NR5A2: variants seen among roughly 807,000 people sequenced by gnomAD.
NR5A2 encodes nuclear receptor subfamily 5 group A member 2, also known as CYP7A promoter-binding factor.
Under a neutral mutation model 62.7 loss-of-function variants are expected in NR5A2, and 26 were observed. The ratio of observed to expected loss-of-function variants is 0.41; its 90% confidence interval spans 0.30 to 0.58. NR5A2 has a LOEUF of 0.58. Among genes scored for constraint, NR5A2 ranks in the 20% least tolerant of loss-of-function variants. The pLI is 0.22. For synonymous variants in NR5A2, 246 were observed against 241.7 expected (o/e 1.02, Z -0.16); for missense variants, 541 against 669.1 (o/e 0.81, Z 2.11).
chr1:200,045,582 A>C lies in NR5A2; in HGVS notation c.461A>C (p.Glu154Ala). 1 of 1,608,798 alleles carries C rather than the reference A, an allele frequency of 6.2e-7. No homozygotes were observed. The highest frequency in any genetic ancestry group is 8.5e-7 in the Non-Finnish European group (1 of 1,178,128). The change falls in exon 4 of 8, where the codon GAA (glutamate) becomes GCA (alanine). Residue 154 changes from glutamate (E) to alanine (A), a missense_variant and splice_region_variant. Physicochemically the swap from Glu to Ala is moderately radical, Grantham distance 107. Transcript: ENST00000367362. Reference sequence around the variant, plus strand: ...TGTCTAAGTGTTGGAATGAAGCTAGAAGGTAAGATTCTTCTAAAGACTACT... The same window carrying C: ...TGTCTAAGTGTTGGAATGAAGCTAGCAGGTAAGATTCTTCTAAAGACTACT... ...QKCLSVGMKL[E>A]AVRADRMRGG...
intron 5 of NR5A2, among the ~76,000 whole-genome samples, chr1:200,106,492 T>C (rs1417919359): frequency 1.3e-5 from 2 of 152,250 alleles, no homozygotes; most frequent in Non-Finnish European, 2.9e-5. Flanking sequence ...AAATAGTTTC[T>C]CTGATAAGTA....
chr1:200,058,955 T>C (rs1663060375), intron 5 of NR5A2, among the ~76,000 whole-genome samples: 1 of 151,344 alleles, frequency 6.6e-6, no homozygotes, highest in Admixed American at 6.6e-5. Context: ...ACAAAAATTA[T>C]GAAAATTAGC....
chr1:200,081,143 A>G lies in NR5A2; in HGVS notation c.1111-30059A>G, dbSNP rs3790830. Among the ~76,000 whole-genome samples the G allele has an allele frequency of 2.4e-3, 371 of 152,340 alleles. 9 individuals carry two copies. In the East Asian group the frequency reaches 0.062, roughly 25 times the overall value. On this transcript the variant is annotated intron_variant, in intron 5 of 7. Transcript: ENST00000367362. The stretch of plus-strand genomic sequence containing the variant: ...CTGTTTTTCCACTTGTTGCTTGGAT[A>G]AATGGATAAAAGCCTGCCAAGGACT...
chr1:200,140,091 ATATT>A (rs1354021572), intron 7 of NR5A2, among the ~76,000 whole-genome samples: 1 of 152,248 alleles, frequency 6.6e-6, no homozygotes, highest in South Asian at 2.1e-4. Context: ...TTTTGATGTG[ATATT>A]TAGTTAATTT....
chr1:200,157,737 T>C (rs1653454542), intron 7 of NR5A2, among the ~76,000 whole-genome samples: 1 of 152,240 alleles, frequency 6.6e-6, no homozygotes. Flanking sequence ...GTTAGGCAAC[T>C]AGTTTCCCTT....
In NR5A2 at chr1:200,061,257, C is replaced by T. The variant is rs936512169; in HGVS notation, c.1110+12439C>T. 2.0e-5 allele frequency among the ~76,000 whole-genome samples: 3 copies of T among 149,794 alleles called. No individual in the cohort carries two copies. In the Admixed American group the frequency reaches 2.0e-4, roughly 10 times the overall value. Reference sequence around the variant, plus strand: ...GGAAATGTCAATGTCACTCAGAGTGCACAACATTCGGGATTAACTTTTTTT... The same window carrying T: ...GGAAATGTCAATGTCACTCAGAGTGTACAACATTCGGGATTAACTTTTTTT... On this transcript the variant is annotated intron_variant, in intron 5 of 7. Coordinates refer to ENST00000367362, the MANE Select transcript of NR5A2 (RefSeq NM_205860.3).
Position 200,048,480 on chromosome 1 carries a change from T to C in NR5A2, c.772T>C (p.Tyr258His). Reference sequence around the variant, plus strand: ...GCCCCCTCACGGCAGCCTGCAAGGTTACCAAACATATGGCCACTTTCCTAG... The same window carrying C: ...GCCCCCTCACGGCAGCCTGCAAGGTCACCAAACATATGGCCACTTTCCTAG... ...TMPPHGSLQG[Y>H]QTYGHFPSRA... is the part of the protein sequence containing the mutation. Residue 258 changes from tyrosine to histidine, a missense_variant, in exon 5 of 8, where the codon TAC (tyrosine) becomes CAC (histidine). Tyr to His is a moderately conservative substitution (Grantham distance 83, BLOSUM62 2). Transcript: ENST00000367362. This position sits in a 1 kb window ranked among gnomAD's most constrained non-coding sequence, Gnocchi z 4.8. The C allele has an allele frequency of 1.2e-6, 2 of 1,614,166 alleles. No individual in the cohort carries two copies. Among genetic ancestry groups the C allele is most frequent in the East Asian group, 2.2e-5 (1 of 44,890 alleles).
At chr1:200,062,933 C>T (rs148055654) in intron 5 of NR5A2, among the ~76,000 whole-genome samples, 1 of 152,136 alleles carries the variant, frequency 6.6e-6, no homozygotes, top group Non-Finnish European at 1.5e-5. Flanking sequence ...GGGGAAGACA[C>T]CTGAGTGCAA....
At chr1:200,054,659 T>G (rs1378583521) in intron 5 of NR5A2, among the ~76,000 whole-genome samples, 1 of 152,236 alleles carries the variant, frequency 6.6e-6, no homozygotes, top group African/African-American at 2.4e-5. Context: ...AATTTAGCCA[T>G]GCTGAAGTTG....
Position 200,048,267 on chromosome 1 carries a change from C to T in NR5A2, c.559C>T (p.Arg187Ter), listed in dbSNP as rs987961515. 5 of 1,613,886 alleles carry T rather than the reference C, an allele frequency of 3.1e-6. No homozygotes were observed. Among genetic ancestry groups the T allele is most frequent in the African/African-American group, 2.7e-5 (2 of 74,868 alleles). ...ALKQQKKALI[R>*]ANGLKLEAMS... The stretch of plus-strand genomic sequence containing the variant: ...GAAGCAACAGAAAAAAGCCCTCATC[C>T]GAGCCAATGGACTTAAGCTAGAAGC... Residue 187 changes from arginine to a stop codon, truncating the protein, a stop_gained, in exon 5 of 8, where the codon CGA becomes TGA. Transcript: ENST00000367362. LOFTEE classifies it high-confidence loss of function. This position sits in a 1 kb window ranked among gnomAD's most constrained non-coding sequence, Gnocchi z 4.8.
intron 5 of NR5A2, among the ~76,000 whole-genome samples, chr1:200,061,048 A>G (rs1663189731): frequency 6.9e-6 from 1 of 145,782 alleles, no homozygotes; most frequent in Non-Finnish European, 1.5e-5. Context: ...CGAACCCAGG[A>G]GGCGAAGGTT....
chr1:200,045,400 T>C lies in NR5A2; in HGVS notation c.322-43T>C, dbSNP rs374187818. On this transcript the variant is annotated intron_variant, in intron 3 of 7. Coordinates refer to ENST00000367362, the MANE Select transcript of NR5A2 (RefSeq NM_205860.3). Reference sequence around the variant, plus strand: ...AAAATGAAACAATGGAAAAGACGGGTGTTAGATTTATAATACGTCTCACTA... The same window carrying C: ...AAAATGAAACAATGGAAAAGACGGGCGTTAGATTTATAATACGTCTCACTA... 3 of 1,512,998 alleles carry C rather than the reference T, an allele frequency of 2.0e-6. No homozygotes were observed. In the African/African-American group the frequency reaches 4.2e-5, roughly 21 times the overall value. The allele number at this position is 1,512,998 out of a possible 1,614,324, so 93.7% of individuals were successfully genotyped here. A position where few individuals can be genotyped will look rare whatever the true frequency, so the allele number is the denominator to read the frequency against.
At chr1:200,072,621 C>G (rs1046999125) in intron 5 of NR5A2, among the ~76,000 whole-genome samples, 3 of 152,064 alleles carry the variant, frequency 2.0e-5, no homozygotes, top group Non-Finnish European at 4.4e-5. Flanking sequence ...AAAAGAAAAG[C>G]TATTTACAAC....
rs945457430 is a variant in NR5A2 at position 200,039,159 on chromosome 1, A to T, written c.65-499A>T. Among the ~76,000 whole-genome samples the T allele has an allele frequency of 1.3e-5, 2 of 151,950 alleles. No individual in the cohort carries two copies. Among genetic ancestry groups the T allele is most frequent in the Non-Finnish European group, 2.9e-5 (2 of 67,974 alleles). ...GAGCAAGAGAGAGGCAGAGAGAGAT[A>T]GGGGGAAGGGGCGGAGAGGAGGGGA... On this transcript the variant is annotated intron_variant, in intron 1 of 7. Transcript: ENST00000367362. This position sits in a 1 kb window ranked among gnomAD's most constrained non-coding sequence, Gnocchi z 5.1.
intron 7 of NR5A2, among the ~76,000 whole-genome samples, chr1:200,146,500 AT>A (rs1404839981): frequency 6.6e-6 from 1 of 152,234 alleles, no homozygotes; most frequent in Non-Finnish European, 1.5e-5. Context: ...ACCACCTGGA[AT>A]TCTTTATCTC....
At chr1:200,069,484 C>T (rs1558119301) in intron 5 of NR5A2, among the ~76,000 whole-genome samples, 1 of 152,088 alleles carries the variant, frequency 6.6e-6, no homozygotes, top group Non-Finnish European at 1.5e-5. Flanking sequence ...CAGTCTCAAA[C>T]CTCAAATGAT....
At chr1:200,042,296 C>T (rs1483307237) in intron 2 of NR5A2, among the ~76,000 whole-genome samples, 1 of 152,170 alleles carries the variant, frequency 6.6e-6, no homozygotes, top group Non-Finnish European at 1.5e-5. Flanking sequence ...GTCAACTCCG[C>T]GGGTCTGCGC....
At chr1:200,096,289 T>C (rs1665095058) in intron 5 of NR5A2, among the ~76,000 whole-genome samples, 1 of 152,084 alleles carries the variant, frequency 6.6e-6, no homozygotes, top group South Asian at 2.1e-4. Context: ...GGTTTCACCA[T>C]GTTGGCCAGG....
intron 1 of NR5A2, among the ~76,000 whole-genome samples, chr1:200,030,806 G>A (rs1439917634): frequency 6.6e-6 from 1 of 152,162 alleles, no homozygotes; most frequent in East Asian, 1.9e-4. Context: ...ATCCACAGAA[G>A]GTTATGTCTG....
Sources: gnomAD v4.1 joint callset for allele counts (sites outside exome capture counted in the v4.1 genomes callset) on GRCh38, gnomAD v4.1.1 for gene constraint, Gnocchi (gnomAD v3.1) non-coding constraint, MANE v1.5 for transcripts, NCBI Gene and HGNC (gene_info 2026-07-23, HGNC 2026-07-21) for gene names.